ITPRID1: variants seen among roughly 807,000 people sequenced by gnomAD.
ITPRID1 encodes protein ITPRID1.
A neutral mutation model predicts 95.4 loss-of-function variants in ITPRID1; 96 were observed. The observed-to-expected ratio is 1.01, with a 90% CI of 0.85 to 1.19. The LOEUF (loss-of-function observed/expected upper bound fraction) is 1.19, where lower values mean the gene tolerates loss of function less well. Among genes scored for constraint, ITPRID1 ranks in the 50% most tolerant of loss-of-function variants. The pLI, the probability that ITPRID1 is intolerant of heterozygous loss-of-function variation, is 0.00. For missense variants in ITPRID1, 1,339 were observed against 1,252.9 expected (o/e 1.07, Z -1.04); for synonymous variants, 510 against 453.6 (o/e 1.12, Z -1.58).
At chr7:31,609,852 G>A (rs1786788045) in intron 10 of ITPRID1, among the ~76,000 whole-genome samples, 1 of 150,902 alleles carries the variant, frequency 6.6e-6, no homozygotes, top group Non-Finnish European at 1.5e-5. Flanking sequence ...TGCTGTTTGT[G>A]TAGTTTAAGG....
intron 10 of ITPRID1, among the ~76,000 whole-genome samples, chr7:31,622,795 T>C (rs1788041130): frequency 6.6e-6 from 1 of 152,002 alleles, no homozygotes; most frequent in South Asian, 2.1e-4. Context: ...CAAAAAACCC[T>C]TCAAAAAATT....
intron 1 of ITPRID1, among the ~76,000 whole-genome samples, chr7:31,517,144 G>A (rs191273217): frequency 3.9e-5 from 6 of 152,256 alleles, no homozygotes; most frequent in Middle Eastern, 3.4e-3. Flanking sequence ...GTTTTGGTTC[G>A]GGTGGCCTGC....
chr7:31,624,387 G>GT (rs1483626123), intron 10 of ITPRID1, among the ~76,000 whole-genome samples: 1 of 145,570 alleles, frequency 6.9e-6, no homozygotes, highest in Non-Finnish European at 1.5e-5. Flanking sequence ...CAAGGCTACA[G>GT]TAACCAAAAC....
intron 1 of ITPRID1, among the ~76,000 whole-genome samples, chr7:31,524,791 A>G (rs1374189261): frequency 1.3e-5 from 2 of 152,160 alleles, no homozygotes; most frequent in Non-Finnish European, 2.9e-5. Context: ...TAGTATTGTA[A>G]CTATTTGTTT....
intron 1 of ITPRID1, among the ~76,000 whole-genome samples, chr7:31,525,644 G>C (rs753099793): frequency 6.6e-6 from 1 of 152,080 alleles, no homozygotes; most frequent in African/African-American, 2.4e-5. Flanking sequence ...TGATGAGAAA[G>C]AATACCAAAT....
At chr7:31,517,094 C>A (rs10239614) in intron 1 of ITPRID1, among the ~76,000 whole-genome samples, 68,533 of 151,948 alleles carry the variant, frequency 0.45, 15,657 homozygotes, top group Middle Eastern at 0.62. Flanking sequence ...CGAAAGAAAC[C>A]ACCATTCCCA....
At position 31,571,062 on chromosome 7, in the gene ITPRID1, T is replaced by G. The variant is rs549386355; in HGVS notation, c.309-1040T>G. 5.9e-5 allele frequency among the ~76,000 whole-genome samples: 9 copies of G among 152,070 alleles called. No individual in the cohort carries two copies. In the East Asian group the frequency reaches 1.7e-3, roughly 30 times the overall value. ...GTTTGTTTGTTTTTGAGACAGAGTC[T>G]CTGTCACCCAGGCTAGAGTGCAGTT... On this transcript the variant is annotated intron_variant, in intron 6 of 14. Coordinates refer to ENST00000615280, the MANE Select transcript of ITPRID1 (RefSeq NM_001257967.3).
At chr7:31,517,199 C>G (rs1783072189) in intron 1 of ITPRID1, among the ~76,000 whole-genome samples, 1 of 152,174 alleles carries the variant, frequency 6.6e-6, no homozygotes, top group Non-Finnish European at 1.5e-5. Flanking sequence ...CTGATTGGTC[C>G]ATTTTGCAGA....
intron 1 of ITPRID1, chr7:31,529,793 A>G (rs1783536899): frequency 2.6e-6 from 4 of 1,535,392 alleles, no homozygotes. Flanking sequence ...AAGTTGCAAG[A>G]CCATTTCTCT....
At chr7:31,631,696 A>G (rs1789013842) in intron 10 of ITPRID1, among the ~76,000 whole-genome samples, 1 of 152,210 alleles carries the variant, frequency 6.6e-6, no homozygotes, top group Non-Finnish European at 1.5e-5. Context: ...GGAAGAAAGG[A>G]AGGGAAGAAT....
At chr7:31,563,517 C>T (rs1404222362) in intron 5 of ITPRID1, among the ~76,000 whole-genome samples, 1 of 152,092 alleles carries the variant, frequency 6.6e-6, no homozygotes, top group Admixed American at 6.5e-5. Context: ...TATCTTTGTT[C>T]ACCTGAAAAG....
intron 5 of ITPRID1, among the ~76,000 whole-genome samples, chr7:31,557,336 C>G (rs1322948657): frequency 1.3e-5 from 2 of 152,006 alleles, no homozygotes; most frequent in Non-Finnish European, 2.9e-5. Context: ...CAGTGCTTCC[C>G]ACAGAAAGCA....
Position 31,568,185 on chromosome 7 carries a change from T to C in ITPRID1, c.257-1573T>C, listed in dbSNP as rs141292243. Among the ~76,000 whole-genome samples, 713 of 152,192 alleles carry C rather than the reference T, an allele frequency of 4.7e-3. 7 individuals carry two copies. Among genetic ancestry groups the C allele is most frequent in the African/African-American group, 0.016 (678 of 41,538 alleles). Reference sequence around the variant, plus strand: ...AATACATCTCCAGTCTTTATCCTTCTAGACCAGTCTTCTTTTTCCATTTAA... The same window carrying C: ...AATACATCTCCAGTCTTTATCCTTCCAGACCAGTCTTCTTTTTCCATTTAA... On this transcript the variant is annotated intron_variant, in intron 5 of 14. Transcript: ENST00000615280.
Position 31,614,848 on chromosome 7 carries a change from C to T in ITPRID1, c.1229-27328C>T, listed in dbSNP as rs79484490. On this transcript the variant is annotated intron_variant, in intron 10 of 14. Coordinates refer to ENST00000615280, the MANE Select transcript of ITPRID1 (RefSeq NM_001257967.3). ...CTTCAGAAACAGCCACTGAGGAAAA[C>T]TCCTGATTCGGGGGCCCCATTTATA... is the stretch of plus-strand genomic sequence containing the variant. Among the ~76,000 whole-genome samples the T allele has an allele frequency of 5.2e-3, 792 of 152,190 alleles. 1 individual carries two copies. Among genetic ancestry groups the T allele is most frequent in the African/African-American group, 0.018 (766 of 41,500 alleles).
At chr7:31,577,544 C>G (rs1785228825) in intron 8 of ITPRID1, among the ~76,000 whole-genome samples, 1 of 152,204 alleles carries the variant, frequency 6.6e-6, no homozygotes, top group Non-Finnish European at 1.5e-5. Context: ...TATGTTAGTA[C>G]ACAGATTCAC....
Position 31,554,425 on chromosome 7 carries a change from T to A in ITPRID1, c.164-50T>A. On this transcript the variant is annotated intron_variant, in intron 3 of 14. Transcript: ENST00000615280. ...CGGCTGAGTAAACAGGGTAGCATCC[T>A]TTTAGCTGGTTGTGCTTTGACTAAC... 2.5e-6 allele frequency: 4 copies of A among 1,594,084 alleles called. No homozygotes were observed. The South Asian group carries it at 4.5e-5, about 18-fold the overall frequency.
chr7:31,551,059 G>A (rs1784271670), intron 2 of ITPRID1, among the ~76,000 whole-genome samples: 1 of 143,350 alleles, frequency 7.0e-6, no homozygotes, highest in Non-Finnish European at 1.6e-5. Flanking sequence ...ATCAGTGAAG[G>A]AGTGAGATTA....
intron 10 of ITPRID1, among the ~76,000 whole-genome samples, chr7:31,627,795 C>T (rs1230513457): frequency 6.6e-6 from 1 of 150,978 alleles, no homozygotes; most frequent in African/African-American, 2.4e-5. Flanking sequence ...TCCCTAAAAA[C>T]AAAAACTTCC....
chr7:31,516,057 C>A (rs1783030980), intron 1 of ITPRID1, among the ~76,000 whole-genome samples: 1 of 151,970 alleles, frequency 6.6e-6, no homozygotes, highest in African/African-American at 2.4e-5. Flanking sequence ...ATGGTATTAA[C>A]CACATTAATG....
Sources: allele counts gnomAD v4.1 joint callset (sites outside exome capture counted in the v4.1 genomes callset), GRCh38; gene constraint gnomAD v4.1.1; transcripts MANE v1.5; gene names NCBI Gene and HGNC (gene_info 2026-07-23, HGNC 2026-07-21).